Variants in CSMD1 observed in about 807,000 individuals in gnomAD.
CSMD1 encodes the protein CUB and sushi domain-containing protein 1.
CSMD1 carries 213 observed loss-of-function variants against 417.5 expected under a neutral mutation model. The ratio of observed to expected loss-of-function variants is 0.51; its 90% confidence interval spans 0.46 to 0.57. The LOEUF (loss-of-function observed/expected upper bound fraction) is 0.57, where lower values mean the gene tolerates loss of function less well. CSMD1 is among the 20% of genes least tolerant of loss of function. The probability of loss-of-function intolerance (pLI) is 0.00; values close to 1 mark genes in which losing one functional copy is unlikely to be tolerated. For synonymous variants in CSMD1, 2,862 were observed against 1,736.8 expected, an observed-to-expected ratio of 1.65 and a Z score of -16.11; for missense variants, 6,923 against 4,529.7, an observed-to-expected ratio of 1.53 and a Z score of -15.17.
At chr8:4,802,475 A>T (rs1585123886) in intron 1 of CSMD1, among the ~76,000 whole-genome samples, 1 of 151,938 alleles carries the variant, frequency 6.6e-6, no homozygotes, top group Non-Finnish European at 1.5e-5. Flanking sequence ...CAAACCACGA[A>T]ATCAAACAAT....
At chr8:3,863,431 T>G (rs1424203216) in intron 5 of CSMD1, among the ~76,000 whole-genome samples, 1 of 150,392 alleles carries the variant, frequency 6.6e-6, no homozygotes, top group Non-Finnish European at 1.5e-5. Context: ...ATACCATTCA[T>G]GTGGGTAGAA....
chr8:4,203,159 G>C (rs1022583791), intron 3 of CSMD1, among the ~76,000 whole-genome samples: 5 of 152,296 alleles, frequency 3.3e-5, no homozygotes, highest in African/African-American at 4.8e-5. Flanking sequence ...GCTCAGGTCA[G>C]AGGGACATGT....
rs770896492 is a variant in CSMD1 at position 3,223,798 on chromosome 8, G to C, written c.4415C>G (p.Pro1472Arg). ...ILSPNYPQPY[P>R]PGKECDWRVK... Reference sequence around the variant, plus strand: ...TCTCCAGTCACATTCCTTCCCAGGAGGATACGGCTGTGGGTAGTTGGGTGA... The same window carrying C: ...TCTCCAGTCACATTCCTTCCCAGGACGATACGGCTGTGGGTAGTTGGGTGA... The change falls in exon 28 of 70, where the codon CCT becomes CGT. Residue 1472 changes from proline to arginine, a missense_variant. Transcript: ENST00000635120. 1 of 1,613,908 alleles carries C rather than the reference G, an allele frequency of 6.2e-7. No individual in the cohort carries two copies. Among genetic ancestry groups the C allele is most frequent in the South Asian group, 1.1e-5 (1 of 91,078 alleles).
At chr8:4,807,024 T>A (rs1798628139) in intron 1 of CSMD1, among the ~76,000 whole-genome samples, 1 of 152,188 alleles carries the variant, frequency 6.6e-6, no homozygotes, top group African/African-American at 2.4e-5. Flanking sequence ...CTGGACTACC[T>A]CATCATCTCA....
intron 3 of CSMD1, among the ~76,000 whole-genome samples, chr8:4,236,656 T>C (rs769643317): frequency 2.0e-5 from 3 of 152,242 alleles, no homozygotes; most frequent in Non-Finnish European, 4.4e-5. Context: ...GTTAAAATAA[T>C]GAATTGCATG....
chr8:3,256,695 T>C (rs1238355369), intron 26 of CSMD1, among the ~76,000 whole-genome samples: 1 of 152,224 alleles, frequency 6.6e-6, no homozygotes, highest in Non-Finnish European at 1.5e-5. Context: ...GCCACCCATA[T>C]GCCTGTCAAC....
chr8:4,113,492 C>T (rs1166072279), intron 3 of CSMD1, among the ~76,000 whole-genome samples: 2 of 149,828 alleles, frequency 1.3e-5, no homozygotes, highest in Non-Finnish European at 1.5e-5. Flanking sequence ...GCAACCTCTG[C>T]CTCCCAGGTT....
intron 3 of CSMD1, among the ~76,000 whole-genome samples, chr8:4,054,410 G>C (rs966489518): frequency 6.6e-6 from 1 of 152,098 alleles, no homozygotes; most frequent in African/African-American, 2.4e-5. Context: ...CCCTAGCTAG[G>C]CACCCATCAT....
intron 1 of CSMD1, among the ~76,000 whole-genome samples, chr8:4,815,231 T>TTTGA (rs2117355454): frequency 6.6e-6 from 1 of 152,214 alleles, no homozygotes; most frequent in Non-Finnish European, 1.5e-5. Flanking sequence ...CAAATGATTA[T>TTTGA]TTGATGAAAC....
Position 4,347,070 on chromosome 8 carries a change from A to G in CSMD1, c.415+72883T>C, listed in dbSNP as rs540706258. ...ATCTAGACCAGAGACACCTTTGACCATTTTTCTCCTATTCTTTGACCCCTC... is the reference window on the plus strand; with the variant it reads ...ATCTAGACCAGAGACACCTTTGACCGTTTTTCTCCTATTCTTTGACCCCTC... On this transcript the variant is annotated intron_variant, in intron 3 of 69. Transcript: ENST00000635120. Among the ~76,000 whole-genome samples, 69 of 152,124 alleles carry G rather than the reference A, an allele frequency of 4.5e-4. 1 individual carries two copies. In the Middle Eastern group the frequency reaches 0.01, roughly 22 times the overall value.
chr8:3,432,073 G>A (rs1486096168), intron 12 of CSMD1, among the ~76,000 whole-genome samples: 4 of 152,016 alleles, frequency 2.6e-5, no homozygotes, highest in Non-Finnish European at 5.9e-5. Flanking sequence ...ATAATAATAG[G>A]GTCTGAGGAA....
At position 3,052,607 on chromosome 8, in the gene CSMD1, T is replaced by C. The variant is rs749814028; in HGVS notation, c.7515A>G (p.Ser2505=). 1 of 1,612,018 alleles carries C rather than the reference T, an allele frequency of 6.2e-7. No individual in the cohort carries two copies. The highest frequency in any genetic ancestry group is 8.5e-7 in the Non-Finnish European group (1 of 1,179,092). The change falls in exon 50 of 70, where the codon TCA becomes TCG. Residue 2505 remains serine, a synonymous_variant. Coordinates refer to ENST00000635120, the MANE Select transcript of CSMD1 (RefSeq NM_033225.6). ...CGIPESPGNG[S]FTGNEFTLDS... is the part of the protein sequence containing the mutation. Reference sequence around the variant, plus strand: ...CCAAAGTGAACTCGTTCCCGGTAAATGAACCGTTTCCTGGGGATTCTGGGA... The same window carrying C: ...CCAAAGTGAACTCGTTCCCGGTAAACGAACCGTTTCCTGGGGATTCTGGGA...
intron 30 of CSMD1, among the ~76,000 whole-genome samples, chr8:3,211,652 C>T (rs1167531856): frequency 6.6e-6 from 1 of 152,196 alleles, no homozygotes; most frequent in African/African-American, 2.4e-5. Context: ...CGAGTCTTGT[C>T]TGGAGTGACA....
intron 37 of CSMD1, among the ~76,000 whole-genome samples, chr8:3,168,402 G>A (rs1406012153): frequency 6.6e-6 from 1 of 152,142 alleles, no homozygotes; most frequent in East Asian, 1.9e-4. Flanking sequence ...CTAACACAGA[G>A]GTGCTGCTCG....
intron 26 of CSMD1, among the ~76,000 whole-genome samples, chr8:3,264,197 A>T (rs564203962): frequency 2.6e-5 from 4 of 152,200 alleles, no homozygotes; most frequent in Non-Finnish European, 4.4e-5. Context: ...ACTTGAGGTG[A>T]GGAAGTAATT....
intron 3 of CSMD1, among the ~76,000 whole-genome samples, chr8:4,179,015 T>C (rs1356680237): frequency 2.6e-5 from 4 of 152,134 alleles, no homozygotes; most frequent in Non-Finnish European, 5.9e-5. Flanking sequence ...AGGTAATTTA[T>C]ACATTCAATG....
intron 5 of CSMD1, among the ~76,000 whole-genome samples, chr8:3,885,915 G>T (rs2129124083): frequency 6.6e-6 from 1 of 151,888 alleles, no homozygotes; most frequent in South Asian, 2.1e-4. Flanking sequence ...GTTAATCTGT[G>T]AATAAATATA....
intron 69 of CSMD1, among the ~76,000 whole-genome samples, chr8:2,939,674 T>C (rs1473975858): frequency 6.6e-6 from 1 of 152,182 alleles, no homozygotes; most frequent in Non-Finnish European, 1.5e-5. Context: ...TGCCGAGACA[T>C]TTACTAGATT....
chr8:3,763,428 G>C lies in CSMD1; in HGVS notation c.819-9386C>G, dbSNP rs117068871. Among the ~76,000 whole-genome samples the C allele has an allele frequency of 3.5e-4, 54 of 152,118 alleles. No homozygotes were observed. The East Asian group carries it at 9.5e-3, about 27-fold the overall frequency. On this transcript the variant is annotated intron_variant, in intron 5 of 69. Transcript: ENST00000635120. ...CTCACTCTTAGTTTACTCCAGAGCTGGTTGTTTAAAAGAGCCTAGCACTCC... is the reference window on the plus strand; with the variant it reads ...CTCACTCTTAGTTTACTCCAGAGCTCGTTGTTTAAAAGAGCCTAGCACTCC...
Sources: allele counts gnomAD v4.1 joint callset (sites outside exome capture counted in the v4.1 genomes callset), GRCh38; gene constraint gnomAD v4.1.1; transcripts MANE v1.5; gene names NCBI Gene and HGNC (gene_info 2026-07-23, HGNC 2026-07-21).